The following USP47 variants were observed in gnomAD, a reference collection of about 807,000 sequenced individuals.
The protein encoded by USP47 is ubiquitin carboxyl-terminal hydrolase 47.
USP47 carries 35 observed loss-of-function variants against 165.1 expected under a neutral mutation model. The ratio of observed to expected loss-of-function variants is 0.21; its 90% CI spans 0.16 to 0.28. The LOEUF is 0.28. Among genes scored for constraint, USP47 ranks in the 10% least tolerant of loss-of-function variants. The pLI is 1.00. For synonymous variants in USP47, 531 were observed against 544.5 expected (o/e 0.98, Z 0.35); for missense variants, 1,277 against 1,607.4 (o/e 0.79, Z 3.52).
chr11:11,859,125 CAG>C (rs1177303628), intron 1 of USP47, among the ~76,000 whole-genome samples: 1 of 152,100 alleles, frequency 6.6e-6, no homozygotes, highest in Non-Finnish European at 1.5e-5. Context: ...CGACTGATAA[CAG>C]AGCATCTTTT....
chr11:11,938,356 A>C lies in USP47; in HGVS notation c.2177A>C (p.Lys726Thr), dbSNP rs773195332. Residue 726 changes from lysine to threonine, a missense_variant, in exon 18 of 28, where the codon AAA becomes ACA. Coordinates refer to ENST00000527733, the MANE Select transcript of USP47 (RefSeq NM_001282659.2). ...AYLNQTVTEF[K>T]QLISKAIHLP... ...TTAAATCAGACAGTTACAGAATTCA[A>C]ACAACTGATTTCAAAGGTAAGTTTT... The C allele has an allele frequency of 1.9e-6, 3 of 1,611,792 alleles. No homozygotes were observed. Among genetic ancestry groups the C allele is most frequent in the Non-Finnish European group, 2.5e-6 (3 of 1,178,604 alleles).
Position 11,880,213 on chromosome 11 carries a change from A to G in USP47, c.76A>G (p.Ile26Val), listed in dbSNP as rs1432540298. The stretch of plus-strand genomic sequence containing the variant: ...TGCTGAAGAACCTAGAGTCTTATGT[A>G]TTATACAAGATACTACTAATTCAAA... ...NAAEEPRVLC[I>V]IQDTTNSKTV... The change falls in exon 2 of 28, where the codon ATT (isoleucine) becomes GTT (valine). Residue 26 changes from isoleucine (I) to valine (V), a missense_variant. Physicochemically the swap from Ile to Val is conservative, Grantham distance 29. This residue lies in a region of USP47 where 181 missense variants were observed against 194.7 expected (regional missense o/e 0.93). Coordinates refer to ENST00000527733, the MANE Select transcript of USP47 (RefSeq NM_001282659.2). 6.8e-7 allele frequency: 1 copy of G among 1,469,866 alleles called. No individual in the cohort carries two copies. Among genetic ancestry groups the G allele is most frequent in the South Asian group, 1.4e-5 (1 of 73,632 alleles). The allele number at this position is 1,469,866 out of a possible 1,614,324, so 91.1% of individuals were successfully genotyped here. A position where few individuals can be genotyped will look rare whatever the true frequency, so the allele number is the denominator to read the frequency against.
chr11:11,932,546 A>G (rs997278737), intron 14 of USP47, among the ~76,000 whole-genome samples: 3 of 152,188 alleles, frequency 2.0e-5, no homozygotes, highest in African/African-American at 7.2e-5. Flanking sequence ...CAACAGCAGC[A>G]GTATTTATTA....
intron 8 of USP47, among the ~76,000 whole-genome samples, chr11:11,910,769 C>T (rs1852915724): frequency 6.6e-6 from 1 of 152,038 alleles, no homozygotes; most frequent in South Asian, 2.1e-4. Context: ...GCCCTTTCCC[C>T]AGATGGTACA....
chr11:11,938,980 T>C (rs922370919), intron 18 of USP47, among the ~76,000 whole-genome samples: 2 of 151,846 alleles, frequency 1.3e-5, no homozygotes, highest in African/African-American at 4.8e-5. Flanking sequence ...TAGGGATACA[T>C]TAATAGAAAT....
intron 20 of USP47, chr11:11,943,794 A>G (rs766549073): frequency 1.3e-5 from 2 of 152,198 alleles, no homozygotes; most frequent in East Asian, 3.8e-4. Flanking sequence ...TAGCAAGGCA[A>G]CCAGGTTTAA....
intron 5 of USP47, among the ~76,000 whole-genome samples, chr11:11,898,610 T>C (rs1851996340): frequency 6.6e-6 from 1 of 152,218 alleles, no homozygotes; most frequent in Non-Finnish European, 1.5e-5. Flanking sequence ...AGTAATAAGA[T>C]CTTTGTTCTT....
chr11:11,842,113 C>T lies in USP47; in HGVS notation c.-73C>T, dbSNP rs1848152795. The T allele has an allele frequency of 6.5e-7, 1 of 1,532,606 alleles. No individual in the cohort carries two copies. The highest frequency in any genetic ancestry group is 8.8e-7 in the Non-Finnish European group (1 of 1,133,176). The allele number at this position is 1,532,606 out of a possible 1,614,324, so 94.9% of individuals were successfully genotyped here. On this transcript the variant is annotated 5_prime_UTR_variant, in exon 1 of 28. Coordinates refer to ENST00000527733, the MANE Select transcript of USP47 (RefSeq NM_001282659.2). ...AGAGGATGACTGCCGCTGCCATTCT[C>T]TCTTGAGCTAGCGAGCCGCCGCCAC...
In USP47 at chr11:11,957,251, AC is replaced by A. The variant is rs1847245329; in HGVS notation, c.*1077del. On this transcript the variant is annotated 3_prime_UTR_variant, in exon 28 of 28. Coordinates refer to ENST00000527733, the MANE Select transcript of USP47 (RefSeq NM_001282659.2). ...TTACATGTAGTTTAACTTTTGGGAAACGTCTTAACATTGTTCTGAATAAACT... is the reference window on the plus strand; with the variant it reads ...TTACATGTAGTTTAACTTTTGGGAAAGTCTTAACATTGTTCTGAATAAACT... 6.7e-6 allele frequency: 1 copy of A among 150,152 alleles called. No individual in the cohort carries two copies. The highest frequency in any genetic ancestry group is 1.5e-5 in the Non-Finnish European group (1 of 67,002). The allele number at this position is 150,152 out of a possible 1,614,324, so 9.3% of individuals were successfully genotyped here.
At chr11:11,922,987 T>A in intron 11 of USP47, 96 bp downstream of exon 11, 1 of 1,067,222 alleles carries the variant, frequency 9.4e-7, no homozygotes, top group Non-Finnish European at 1.3e-6. Context: ...AAGTTATCTT[T>A]AAAAGAAACT....
rs1253918107 is a variant in USP47, at chr11:11,892,370, TTTTAA to T, written c.496+268_496+272del. 1.9e-4 allele frequency among the ~76,000 whole-genome samples: 24 copies of T among 124,856 alleles called. 7 individuals are homozygous for T. In the Middle Eastern group the frequency reaches 0.014, roughly 70 times the overall value. 81.9% of individuals were successfully genotyped at this position (124,856 alleles called of 152,430 possible). A position where few individuals can be genotyped will look rare whatever the true frequency, so the allele number is the denominator to read the frequency against. On this transcript the variant is annotated intron_variant, in intron 4 of 27. Transcript: ENST00000527733. ...TTTTTAAGGAAGACTTTTCTTTTCT[TTTTAA>T]TTTTCTTTTTTTTTTTTTTTTTTTG...
Position 11,957,118 on chromosome 11 carries a change from G to A in USP47, c.*943G>A, listed in dbSNP as rs1847238560. 1 of 152,074 alleles carries A rather than the reference G, an allele frequency of 6.6e-6. No homozygotes were observed. Among genetic ancestry groups the A allele is most frequent in the Non-Finnish European group, 1.5e-5 (1 of 68,014 alleles). 9.4% of individuals were successfully genotyped at this position (152,074 alleles called of 1,614,324 possible). ...TGTTAATGAGGTTTCTCTGTTCAGC[G>A]GCTTCAATTTTTTTCTCTTTGTACA... On this transcript the variant is annotated 3_prime_UTR_variant, in exon 28 of 28. Coordinates refer to ENST00000527733, the MANE Select transcript of USP47 (RefSeq NM_001282659.2).
intron 1 of USP47, 105 bp downstream of exon 1, chr11:11,842,329 C>A: frequency 7.5e-7 from 1 of 1,337,934 alleles, no homozygotes; most frequent in Non-Finnish European, 1.0e-6. Context: ...GCAGGCTCGG[C>A]TGTGGGGGAA....
chr11:11,888,296 T>A (rs1308174317), intron 3 of USP47, among the ~76,000 whole-genome samples: 2 of 151,686 alleles, frequency 1.3e-5, no homozygotes, highest in Non-Finnish European at 2.9e-5. Context: ...TTTGAAAAAA[T>A]TAATAAAATA....
chr11:11,935,945 CTGTT>C (rs2134726612), intron 16 of USP47, among the ~76,000 whole-genome samples: 1 of 151,866 alleles, frequency 6.6e-6, no homozygotes, highest in East Asian at 1.9e-4. Flanking sequence ...TTCTAGTTGG[CTGTT>C]TGGTTGTTTT....
intron 14 of USP47, among the ~76,000 whole-genome samples, chr11:11,931,563 A>T (rs1039749168): frequency 1.3e-5 from 2 of 152,174 alleles, no homozygotes; most frequent in Non-Finnish European, 2.9e-5. Context: ...ATTGTAATTC[A>T]TGTCCCTCAC....
At chr11:11,911,797 A>G (rs1853013343) in intron 8 of USP47, among the ~76,000 whole-genome samples, 1 of 152,156 alleles carries the variant, frequency 6.6e-6, no homozygotes, top group African/African-American at 2.4e-5. Flanking sequence ...ACAGCAGCAG[A>G]ATACACATCC....
intron 5 of USP47, among the ~76,000 whole-genome samples, chr11:11,902,473 C>A (rs1388586573): frequency 6.6e-6 from 1 of 152,110 alleles, no homozygotes; most frequent in Non-Finnish European, 1.5e-5. Context: ...GCCTTCTTTT[C>A]TTGAGCACTT....
intron 17 of USP47, 77 bp from the exon 18 acceptor site, chr11:11,938,169 GTTAGAAACACA>G: frequency 8.7e-7 from 1 of 1,144,680 alleles, no homozygotes; most frequent in South Asian, 1.4e-5. Flanking sequence ...TTTGTCACCT[GTTAGAAACACA>G]TTAAGAATGC....
Sources: gnomAD v4.1 joint callset for allele counts (sites outside exome capture counted in the v4.1 genomes callset) on GRCh38, gnomAD v4.1.1 for gene constraint, gnomAD v4.1.1 regional missense constraint, MANE v1.5 for transcripts, NCBI Gene and HGNC (gene_info 2026-07-23, HGNC 2026-07-21) for gene names.